Variants in TNIP3 observed in about 807,000 individuals in gnomAD.
TNIP3 encodes the protein TNFAIP3 interacting protein 3.
Under a neutral mutation model 54.1 loss-of-function variants are expected in TNIP3, and 34 were observed. The ratio of observed to expected loss-of-function variants is 0.63; its 90% CI spans 0.48 to 0.84. The LOEUF is 0.84. Among genes scored for constraint, TNIP3 ranks in the 40% least tolerant of loss-of-function variants. The pLI, the probability that TNIP3 is intolerant of heterozygous loss-of-function variation, is 0.00. For missense variants in TNIP3, 366 were observed against 387.6 expected, an observed-to-expected ratio of 0.94 and a Z score of 0.47; for synonymous variants, 134 against 136.8, an observed-to-expected ratio of 0.98 and a Z score of 0.14.
At chr4:121,151,128 G>A (rs2148806290) in intron 5 of TNIP3, among the ~76,000 whole-genome samples, 1 of 152,270 alleles carries the variant, frequency 6.6e-6, no homozygotes, top group Non-Finnish European at 1.5e-5. Context: ...TCCAAATATT[G>A]TGACAGAACA....
chr4:121,180,705 A>G (rs548025131), intron 3 of TNIP3, among the ~76,000 whole-genome samples: 1 of 152,230 alleles, frequency 6.6e-6, no homozygotes, highest in Non-Finnish European at 1.5e-5. Flanking sequence ...GGTGATGGAG[A>G]GATTAGAGAT....
At chr4:121,142,418 T>C (rs1729173364) in intron 8 of TNIP3, among the ~76,000 whole-genome samples, 1 of 152,234 alleles carries the variant, frequency 6.6e-6, no homozygotes, top group Non-Finnish European at 1.5e-5. Flanking sequence ...AGTTTTCTAC[T>C]GTTAATTGTG....
chr4:121,207,927 T>A (rs1421985135), intron 2 of TNIP3, among the ~76,000 whole-genome samples: 1 of 152,184 alleles, frequency 6.6e-6, no homozygotes, highest in Non-Finnish European at 1.5e-5. Context: ...GGAGATAATA[T>A]GAATGATGGG....
upstream of TNIP3, among the ~76,000 whole-genome samples, chr4:121,217,964 A>C (rs2148851256): frequency 6.6e-6 from 1 of 152,322 alleles, no homozygotes; most frequent in East Asian, 1.9e-4. Context: ...ACAGAACTCC[A>C]GAGAAAACAA....
At chr4:121,180,123 G>C (rs759811870) in intron 3 of TNIP3, among the ~76,000 whole-genome samples, 27 of 152,140 alleles carry the variant, frequency 1.8e-4, no homozygotes, top group Non-Finnish European at 1.9e-4. Context: ...ATGTCGGGCT[G>C]GGCGCGGTGG....
At chr4:121,217,035 A>G (rs1452579761), upstream of TNIP3, among the ~76,000 whole-genome samples, 1 of 152,194 alleles carries the variant, frequency 6.6e-6, no homozygotes, top group African/African-American at 2.4e-5. Context: ...GAGAAAAAAA[A>G]CTGTACTTCC....
rs187619363 is a variant in TNIP3, at chr4:121,157,977, A to G, written c.213+710T>C. Reference sequence around the variant, plus strand: ...CATTATCCTGCACCTTCTAAATTCAATACTTCTGGGTAACAAAATGAGGAA... The same window carrying G: ...CATTATCCTGCACCTTCTAAATTCAGTACTTCTGGGTAACAAAATGAGGAA... On this transcript the variant is annotated intron_variant, in intron 3 of 10. Coordinates refer to ENST00000057513, the MANE Select transcript of TNIP3 (RefSeq NM_024873.6). Among the ~76,000 whole-genome samples the G allele has an allele frequency of 5.8e-4, 88 of 152,282 alleles. 1 individual carries two copies. The highest frequency in any genetic ancestry group is 2.1e-3 in the African/African-American group (86 of 41,564).
intron 5 of TNIP3, chr4:121,154,340 T>C (rs1560650151): frequency 3.6e-6 from 2 of 549,068 alleles, no homozygotes; most frequent in East Asian, 3.5e-5. Flanking sequence ...ATGATGAATC[T>C]TTGTAGGGAC....
At chr4:121,200,814 G>C (rs1725843079) in intron 2 of TNIP3, among the ~76,000 whole-genome samples, 2 of 152,120 alleles carry the variant, frequency 1.3e-5, no homozygotes, top group South Asian at 4.1e-4. Flanking sequence ...CCCCAGCTCA[G>C]CTGGCCATTT....
chr4:121,217,079 A>G (rs1726829508), upstream of TNIP3, among the ~76,000 whole-genome samples: 1 of 152,234 alleles, frequency 6.6e-6, no homozygotes, highest in Non-Finnish European at 1.5e-5. Flanking sequence ...TAAATTTATT[A>G]TTAAGTTTCA....
At chr4:121,135,434 G>C (rs937540108) in intron 10 of TNIP3, among the ~76,000 whole-genome samples, 2 of 151,520 alleles carry the variant, frequency 1.3e-5, no homozygotes, top group African/African-American at 4.9e-5. Context: ...GTCATTTTCT[G>C]TCACCCAGGC....
At chr4:121,144,201 G>C (rs62321466) in intron 7 of TNIP3, among the ~76,000 whole-genome samples, 288 of 152,176 alleles carry the variant, frequency 1.9e-3, no homozygotes, top group Middle Eastern at 0.01. Flanking sequence ...ACCAGTTTTC[G>C]TTTTCTCACA....
At chr4:121,164,787 C>A (rs1482101367), upstream of TNIP3, among the ~76,000 whole-genome samples, 1 of 152,110 alleles carries the variant, frequency 6.6e-6, no homozygotes, top group Non-Finnish European at 1.5e-5. Context: ...CAAATCTAAT[C>A]TTCTATATTG....
intron 5 of TNIP3, among the ~76,000 whole-genome samples, chr4:121,154,043 A>G (rs1234390155): frequency 6.6e-6 from 1 of 152,090 alleles, no homozygotes; most frequent in Non-Finnish European, 1.5e-5. Flanking sequence ...ACACACGCAC[A>G]CTTTTCCTCT....
At chr4:121,182,869 A>G (rs1300933871) in intron 2 of TNIP3, 9 of 1,416,734 alleles carry the variant, frequency 6.4e-6, no homozygotes, top group East Asian at 2.5e-5. Context: ...GAGTGAGTTT[A>G]TGGATGACAT....
upstream of TNIP3, chr4:121,216,643 C>A (rs1269947628): frequency 4.9e-6 from 7 of 1,436,770 alleles, no homozygotes; most frequent in South Asian, 8.8e-5. Flanking sequence ...TTGTTTTCAG[C>A]CCTGCCAGAC....
Position 121,132,249 on chromosome 4 carries a change from CACAT to C in TNIP3, c.*378_*381del, listed in dbSNP as rs758843244. On this transcript the variant is annotated 3_prime_UTR_variant, in exon 11 of 11. Coordinates refer to ENST00000057513, the MANE Select transcript of TNIP3 (RefSeq NM_024873.6). ...ACACACACACACACACACACACACA[CACAT>C]ATGCACTTTAAATCAACATACAATA... 4 of 193,918 alleles carry C rather than the reference CACAT, an allele frequency of 2.1e-5. No individual in the cohort carries two copies. Among genetic ancestry groups the C allele is most frequent in the Admixed American group, 1.7e-4 (3 of 17,682 alleles). The allele number at this position is 193,918 out of a possible 1,614,324, so 12.0% of individuals were successfully genotyped here. A position where few individuals can be genotyped will look rare whatever the true frequency, so the allele number is the denominator to read the frequency against.
At chr4:121,193,039 T>TA (rs1725381675) in intron 2 of TNIP3, 1 of 152,192 alleles carries the variant, frequency 6.6e-6, no homozygotes, top group Non-Finnish European at 1.5e-5. Context: ...ATTTTATATA[T>TA]ATGTAGAACT....
rs556536761 is a variant in TNIP3, at chr4:121,132,726, C to CTTAA, written c.947-68_947-65dup. The CTTAA allele has an allele frequency of 2.0e-5, 29 of 1,433,996 alleles. No individual in the cohort carries two copies. The East Asian group carries it at 6.0e-4, about 30-fold the overall frequency. The allele number at this position is 1,433,996 out of a possible 1,614,324, so 88.8% of individuals were successfully genotyped here. On this transcript the variant is annotated intron_variant, in intron 10 of 10. Coordinates refer to ENST00000057513, the MANE Select transcript of TNIP3 (RefSeq NM_024873.6). ...TAACATTTCATTTCTCTTCTTCTGG[C>CTTAA]TTAAGGCTGACATAAAGTTCCAGGA... is the stretch of plus-strand genomic sequence containing the variant.
Sources: gnomAD v4.1 joint callset for allele counts (sites outside exome capture counted in the v4.1 genomes callset) on GRCh38, gnomAD v4.1.1 for gene constraint, MANE v1.5 for transcripts, NCBI Gene and HGNC (gene_info 2026-07-23, HGNC 2026-07-21) for gene names.